The following HSPA12A variants were observed in gnomAD, a reference collection of about 807,000 sequenced individuals.
HSPA12A encodes the protein heat shock 70 kDa protein 12A.
In HSPA12A, 28 loss-of-function variants were observed where a neutral mutation model predicts 69.2. That is an observed-to-expected ratio of 0.40 (90% confidence interval 0.30 to 0.55). HSPA12A has a LOEUF of 0.55. Ranked by LOEUF, HSPA12A falls within the 20% of genes least tolerant of loss-of-function variation. The pLI is 0.38. For synonymous variants in HSPA12A, 345 were observed against 370.5 expected, an observed-to-expected ratio of 0.93 and a Z score of 0.79; for missense variants, 686 against 900.7, an observed-to-expected ratio of 0.76 and a Z score of 3.05.
chr10:116,733,612 T>C (rs1473639444), intron 1 of HSPA12A, among the ~76,000 whole-genome samples: 2 of 152,204 alleles, frequency 1.3e-5, no homozygotes, highest in African/African-American at 4.8e-5. Context: ...CTGGAGTCTC[T>C]GTTTTCTGAC....
intron 2 of HSPA12A, among the ~76,000 whole-genome samples, chr10:116,778,881 G>A (rs1467528829): frequency 2.0e-5 from 3 of 152,228 alleles, no homozygotes; most frequent in Non-Finnish European, 4.4e-5. Flanking sequence ...GCTGCAGTGA[G>A]CTGTGACTGC....
intron 2 of HSPA12A, among the ~76,000 whole-genome samples, chr10:116,823,674 G>T (rs1177975522): frequency 6.6e-6 from 1 of 152,176 alleles, no homozygotes; most frequent in Non-Finnish European, 1.5e-5. Flanking sequence ...CACTAATGGT[G>T]CTGGGACAAC....
chr10:116,781,895 T>G (rs1487403006), intron 2 of HSPA12A, among the ~76,000 whole-genome samples: 3 of 152,162 alleles, frequency 2.0e-5, no homozygotes, highest in Non-Finnish European at 4.4e-5. Flanking sequence ...ACTGATTCAT[T>G]CTACCAGGTT....
chr10:116,681,539 G>A (rs1282717245), intron 8 of HSPA12A, among the ~76,000 whole-genome samples: 1 of 152,170 alleles, frequency 6.6e-6, no homozygotes, highest in Non-Finnish European at 1.5e-5. Context: ...TTCCTGCCAC[G>A]TGAATAGTGA....
chr10:116,804,043 G>A (rs1367463467), intron 2 of HSPA12A, among the ~76,000 whole-genome samples: 2 of 151,926 alleles, frequency 1.3e-5, no homozygotes, highest in Non-Finnish European at 2.9e-5. Context: ...CACAAATCAC[G>A]CACTGTCTTG....
chr10:116,727,405 A>C (rs1554885162), intron 1 of HSPA12A, among the ~76,000 whole-genome samples: 2 of 152,198 alleles, frequency 1.3e-5, no homozygotes, highest in East Asian at 3.9e-4. Flanking sequence ...ACAAGTGAGC[A>C]AGCTCCAATG....
intron 1 of HSPA12A, among the ~76,000 whole-genome samples, chr10:116,711,048 C>T (rs1190393099): frequency 6.6e-6 from 1 of 152,006 alleles, no homozygotes; most frequent in Non-Finnish European, 1.5e-5. Context: ...CTATGAATAT[C>T]TGACAGATAT....
intron 9 of HSPA12A, among the ~76,000 whole-genome samples, chr10:116,680,509 A>G (rs1488986785): frequency 2.6e-5 from 4 of 151,972 alleles, no homozygotes; most frequent in African/African-American, 9.7e-5. Context: ...TCTTTTTTTG[A>G]GAGTCTCGCT....
Position 116,686,255 on chromosome 10 carries a change from G to T in HSPA12A, c.664-2293C>A, listed in dbSNP as rs1589627487. Among the ~76,000 whole-genome samples, 1 of 152,162 alleles carries T rather than the reference G, an allele frequency of 6.6e-6. No individual in the cohort carries two copies. Among genetic ancestry groups the T allele is most frequent in the South Asian group, 2.1e-4 (1 of 4,828 alleles). ...GAAACCTCTGAGCCTGGATCCCAAG[G>T]GGTCGGGAGGAAGAAATCCCAAATA... is the stretch of plus-strand genomic sequence containing the variant. On this transcript the variant is annotated intron_variant, in intron 6 of 11. Transcript: ENST00000369209. This position sits in a 1 kb window ranked among gnomAD's most constrained non-coding sequence, Gnocchi z 4.1.
intron 1 of HSPA12A, among the ~76,000 whole-genome samples, chr10:116,742,010 T>G (rs1220110501): frequency 6.6e-6 from 1 of 152,056 alleles, no homozygotes; most frequent in South Asian, 2.1e-4. Context: ...AATTACCCGC[T>G]GGGGCCACCC....
intron 2 of HSPA12A, among the ~76,000 whole-genome samples, chr10:116,816,461 G>C (rs536954754): frequency 2.2e-3 from 337 of 152,346 alleles, no homozygotes; most frequent in Non-Finnish European, 4.1e-3. Context: ...TCCGAGGCCT[G>C]GAGTTTTTAG....
rs1416679653 is a variant in HSPA12A at position 116,687,303 on chromosome 10, G to C, written c.664-3341C>G. Among the ~76,000 whole-genome samples the C allele has an allele frequency of 3.3e-5, 5 of 152,204 alleles. 1 individual carries two copies. Among genetic ancestry groups the C allele is most frequent in the Admixed American group, 2.0e-4 (3 of 15,280 alleles). On this transcript the variant is annotated intron_variant, in intron 6 of 11. Transcript: ENST00000369209. The stretch of plus-strand genomic sequence containing the variant: ...GATGCAGGTGGGAAGCGAAGGTGAA[G>C]AGGACCCCACTCCTGAGCAGAGGAA...
chr10:116,705,688 C>T (rs1004027054), intron 2 of HSPA12A, among the ~76,000 whole-genome samples: 1 of 152,252 alleles, frequency 6.6e-6, no homozygotes, highest in African/African-American at 2.4e-5. Context: ...AGGAGCATTT[C>T]GCCAGCTGTG....
chr10:116,750,522 C>T (rs781877563), intron 2 of HSPA12A: 46 of 428,148 alleles, frequency 1.1e-4, no homozygotes, highest in Middle Eastern at 7.7e-4. Context: ...GTGGATTATA[C>T]GCATTTCCTA....
In HSPA12A at chr10:116,686,714, C is replaced by T. The variant is rs899635492; in HGVS notation, c.664-2752G>A. The stretch of plus-strand genomic sequence containing the variant: ...AAGGGAGAAAGGGTGGCATAAGCTC[C>T]GCCCCTTGTCCCCTCTTCCCACACT... On this transcript the variant is annotated intron_variant, in intron 6 of 11. Coordinates refer to ENST00000369209, the MANE Select transcript of HSPA12A (RefSeq NM_025015.3). This position sits in a 1 kb window ranked among gnomAD's most constrained non-coding sequence, Gnocchi z 4.1. 6.6e-6 allele frequency among the ~76,000 whole-genome samples: 1 copy of T among 152,100 alleles called. No individual in the cohort carries two copies. Among genetic ancestry groups the T allele is most frequent in the Non-Finnish European group, 1.5e-5 (1 of 68,012 alleles).
chr10:116,690,584 C>T (rs1216633532), intron 6 of HSPA12A, among the ~76,000 whole-genome samples: 1 of 152,154 alleles, frequency 6.6e-6, no homozygotes, highest in Admixed American at 6.5e-5. Context: ...AAAGCAAATT[C>T]CCCACATTCA....
intron 1 of HSPA12A, among the ~76,000 whole-genome samples, chr10:116,718,369 A>G (rs1554884014): frequency 6.6e-6 from 1 of 152,206 alleles, no homozygotes; most frequent in Non-Finnish European, 1.5e-5. Flanking sequence ...ATCCTTCTTC[A>G]GCTGAACCCT....
intron 1 of HSPA12A, 66 bp from the exon 2 acceptor site, chr10:116,707,351 G>A: frequency 7.9e-7 from 1 of 1,267,050 alleles, no homozygotes; most frequent in Non-Finnish European, 1.1e-6. Context: ...AAGAAATGAG[G>A]GCTGCATGGC....
Position 116,679,652 on chromosome 10 carries a change from C to G in HSPA12A, c.1137G>C (p.Trp379Cys). The stretch of plus-strand genomic sequence containing the variant: ...ACTCAAACGCAATCATTAAGTCAAC[C>G]CAGGCTGCAGGGCGTTTGATTTTGA... ...EQFKIKRPAA[W>C]VDLMIAFESR... Residue 379 changes from tryptophan (W) to cysteine (C), a missense_variant, in exon 10 of 12, where the codon TGG (tryptophan) becomes TGC (cysteine). Coordinates refer to ENST00000369209, the MANE Select transcript of HSPA12A (RefSeq NM_025015.3). 6.2e-7 allele frequency: 1 copy of G among 1,614,238 alleles called. No homozygotes were observed. Among genetic ancestry groups the G allele is most frequent in the Non-Finnish European group, 8.5e-7 (1 of 1,180,046 alleles).
Sources: gnomAD v4.1 joint callset for allele counts (sites outside exome capture counted in the v4.1 genomes callset) on GRCh38, gnomAD v4.1.1 for gene constraint, Gnocchi (gnomAD v3.1) non-coding constraint, MANE v1.5 for transcripts, NCBI Gene and HGNC (gene_info 2026-07-23, HGNC 2026-07-21) for gene names.